Variants in CDKL5 observed in about 807,000 individuals in gnomAD.
CDKL5 encodes cyclin dependent kinase like 5, also known as cyclin-dependent kinase-like 5.
In CDKL5, 8 loss-of-function variants were observed where a neutral mutation model predicts 61.7. The observed-to-expected ratio is 0.13, with a 90% CI of 0.08 to 0.23. CDKL5 has a LOEUF of 0.23. Ranked by LOEUF, CDKL5 falls within the 10% of genes least tolerant of loss-of-function variation. The pLI is 1.00. For missense variants in CDKL5, 440 were observed against 734.5 expected, an observed-to-expected ratio of 0.60 and a Z score of 4.63; for synonymous variants, 275 against 272.3, an observed-to-expected ratio of 1.01 and a Z score of -0.10.
At chrX:18,501,147 A>G in intron 1 of CDKL5, among the ~76,000 whole-genome samples, 1 of 108,227 alleles carries the variant, frequency 9.2e-6, no homozygotes, top group East Asian at 2.9e-4. Context: ...GGCCCCACTC[A>G]CATTCTGATT....
chrX:18,454,478 G>C (rs764152217), intron 1 of CDKL5, among the ~76,000 whole-genome samples: 1 of 107,795 alleles, frequency 9.3e-6, no homozygotes, highest in East Asian at 3.0e-4. Context: ...CTCATGATCT[G>C]CCTGCCTCGG....
chrX:18,466,459 A>C (rs1346112119), intron 1 of CDKL5, among the ~76,000 whole-genome samples: 1 of 111,837 alleles, frequency 8.9e-6, no homozygotes, highest in Non-Finnish European at 1.9e-5. Flanking sequence ...AGTTTAAAAA[A>C]TTCTTCCAAG....
intron 20 of CDKL5, chrX:18,650,356 T>A (rs367896650): frequency 8.8e-7 from 1 of 1,142,011 alleles, no homozygotes. Flanking sequence ...TGGGAGCCGA[T>A]GCCTGCCTCC....
At chrX:18,651,220 AGTGTGTGTGTGTGTGTGTGTGT>A (rs3838188) in intron 21 of CDKL5, among the ~76,000 whole-genome samples, 2 of 65,192 alleles carry the variant, frequency 3.1e-5, no homozygotes, top group Non-Finnish European at 5.6e-5. Context: ...GGCAGGAGCA[AGTGTGTGTGTGTGTGTGTGTGT>A]GTGTGTGTGT....
At chrX:18,498,953 T>C (rs1922280964) in intron 1 of CDKL5, among the ~76,000 whole-genome samples, 1 of 111,151 alleles carries the variant, frequency 9.0e-6, no homozygotes. Flanking sequence ...GTGTTTTTAG[T>C]AGAGACAGGA....
chrX:18,561,729 A>G (rs1924811476), intron 3 of CDKL5, among the ~76,000 whole-genome samples: 1 of 111,113 alleles, frequency 9.0e-6, no homozygotes, highest in Non-Finnish European at 1.9e-5. Flanking sequence ...AATTTCTGGT[A>G]AAGGGTATTG....
chrX:18,634,070 G>A lies in CDKL5; in HGVS notation c.*5313G>A, dbSNP rs367649133. On this transcript the variant is annotated 3_prime_UTR_variant, in exon 18 of 18. Coordinates refer to ENST00000623535, the MANE Select transcript of CDKL5 (RefSeq NM_001323289.2). The stretch of plus-strand genomic sequence containing the variant: ...AGCCCTTCATTTCCCACAAGGTTAA[G>A]CTCTCGAAACCCCATTTGATCCTTG... 1 of 754,149 alleles carries A rather than the reference G, an allele frequency of 1.3e-6. No individual in the cohort carries two copies. Among genetic ancestry groups the A allele is most frequent in the Non-Finnish European group, 1.6e-6 (1 of 639,383 alleles). 62.2% of individuals were successfully genotyped at this position (754,149 alleles called of 1,213,427 possible). A position where few individuals can be genotyped will look rare whatever the true frequency, so the allele number is the denominator to read the frequency against.
At chrX:18,547,139 A>C (rs1354894436) in intron 3 of CDKL5, among the ~76,000 whole-genome samples, 3 of 111,970 alleles carry the variant, frequency 2.7e-5, no homozygotes, top group Non-Finnish European at 5.6e-5. Flanking sequence ...GGCTTGAAAA[A>C]TGTTTATTGG....
chrX:18,508,396 A>G (rs951537938), intron 2 of CDKL5, among the ~76,000 whole-genome samples: 1 of 112,252 alleles, frequency 8.9e-6, no homozygotes, highest in Non-Finnish European at 1.9e-5. Context: ...TTGTTCCTTC[A>G]CTAGTCAACT....
chrX:18,523,321 T>G (rs186338567), intron 3 of CDKL5, among the ~76,000 whole-genome samples: 92 of 111,246 alleles, frequency 8.3e-4, no homozygotes, highest in African/African-American at 2.9e-3. Flanking sequence ...CCAACCTACT[T>G]TCTGTCTCTG....
intron 16 of CDKL5, among the ~76,000 whole-genome samples, chrX:18,621,831 A>G (rs1926898232): frequency 8.9e-6 from 1 of 112,048 alleles, no homozygotes; most frequent in African/African-American, 3.2e-5. Context: ...GAACAAATAG[A>G]CCTGATTTAA....
At chrX:18,504,033 C>A (rs775814304) in intron 1 of CDKL5, among the ~76,000 whole-genome samples, 1 of 111,715 alleles carries the variant, frequency 9.0e-6, no homozygotes, top group South Asian at 3.8e-4. Context: ...GGATTATGGA[C>A]ACGAGCCACT....
chrX:18,460,534 T>G (rs1240200740), intron 1 of CDKL5, among the ~76,000 whole-genome samples: 1 of 111,338 alleles, frequency 9.0e-6, no homozygotes, highest in Non-Finnish European at 1.9e-5. Context: ...GGTCTCACTC[T>G]CTTGCCCAGG....
At chrX:18,562,811 T>C (rs777713851) in intron 3 of CDKL5, among the ~76,000 whole-genome samples, 1 of 111,903 alleles carries the variant, frequency 8.9e-6, no homozygotes, top group Non-Finnish European at 1.9e-5. Context: ...ATTTTCATGG[T>C]ATTCTTGAAA....
chrX:18,463,534 C>T (rs1246045924), intron 1 of CDKL5, among the ~76,000 whole-genome samples: 1 of 112,020 alleles, frequency 8.9e-6, no homozygotes, highest in African/African-American at 3.2e-5. Context: ...CGTTAGTGTT[C>T]CACACATGAA....
At chrX:18,592,366 T>C (rs1434092842) in intron 9 of CDKL5, among the ~76,000 whole-genome samples, 1 of 112,395 alleles carries the variant, frequency 8.9e-6, no homozygotes, top group Non-Finnish European at 1.9e-5. Flanking sequence ...AAATCATCAT[T>C]GGGGATTCAT....
intron 3 of CDKL5, among the ~76,000 whole-genome samples, chrX:18,518,621 A>T (rs767935665): frequency 1.0e-4 from 11 of 107,470 alleles, no homozygotes; most frequent in Non-Finnish European, 1.7e-4. Context: ...GGCCAGGATG[A>T]TCTCGATCTC....
intron 21 of CDKL5, among the ~76,000 whole-genome samples, chrX:18,653,136 G>A (rs933065450): frequency 1.8e-5 from 2 of 112,317 alleles, no homozygotes; most frequent in Non-Finnish European, 3.8e-5. Context: ...ATAAGCTCAA[G>A]CATCATATAG....
chrX:18,632,984 G>A lies in CDKL5; in HGVS notation c.*4227G>A. The A allele has an allele frequency of 1.2e-5, 9 of 754,317 alleles. No homozygotes were observed. The South Asian group carries it at 6.1e-4, about 51-fold the overall frequency. 62.2% of individuals were successfully genotyped at this position (754,317 alleles called of 1,213,427 possible). On this transcript the variant is annotated 3_prime_UTR_variant, in exon 18 of 18. Transcript: ENST00000623535. ...ACTTTGCAAGTGTGTAGAAAGATCT[G>A]TCTATTTCTGTTCACCTGGGACCTG...
Sources: allele counts gnomAD v4.1 joint callset (sites outside exome capture counted in the v4.1 genomes callset), GRCh38; gene constraint gnomAD v4.1.1; transcripts MANE v1.5; gene names NCBI Gene and HGNC (gene_info 2026-07-23, HGNC 2026-07-21).